The following SLC12A2 variants were observed in gnomAD, a reference collection of about 807,000 sequenced individuals.
The protein encoded by SLC12A2 is Na-K-2Cl cotransporter 1.
A neutral mutation model predicts 136.3 loss-of-function variants in SLC12A2; 67 were observed. That is an observed-to-expected ratio of 0.49 (90% confidence interval 0.40 to 0.60). The LOEUF (loss-of-function observed/expected upper bound fraction) is 0.60, where lower values mean the gene tolerates loss of function less well. Among genes scored for constraint, SLC12A2 ranks in the 20% least tolerant of loss-of-function variants. The pLI is 0.00. For missense variants in SLC12A2, 1,322 were observed against 1,534.7 expected (o/e 0.86, Z 2.32); for synonymous variants, 619 against 562.9 (o/e 1.10, Z -1.41).
chr5:128,135,180 C>G (rs1196180010), intron 6 of SLC12A2, among the ~76,000 whole-genome samples: 1 of 152,006 alleles, frequency 6.6e-6, no homozygotes, highest in African/African-American at 2.4e-5. Flanking sequence ...ATTGTTCTTT[C>G]CTTCCAATCC....
At chr5:128,147,793 A>T (rs1409577599) in intron 11 of SLC12A2, 64 bp downstream of exon 11, 4 of 971,678 alleles carry the variant, frequency 4.1e-6, no homozygotes. Flanking sequence ...CTCAATTTAG[A>T]ATTGTTGCTA....
intron 14 of SLC12A2, among the ~76,000 whole-genome samples, 160 bp downstream of exon 14, chr5:128,151,556 G>GT (rs11331893): frequency 2.3e-3 from 325 of 143,422 alleles, no homozygotes; most frequent in Non-Finnish European, 1.8e-3. Flanking sequence ...AACTCCTAAA[G>GT]TTTTTTTTTT....
intron 1 of SLC12A2, among the ~76,000 whole-genome samples, chr5:128,109,312 C>T (rs1196195206): frequency 6.6e-6 from 1 of 152,232 alleles, no homozygotes; most frequent in Non-Finnish European, 1.5e-5. Flanking sequence ...TGTGATTGTC[C>T]TGGGGCGGCG....
intron 15 of SLC12A2, among the ~76,000 whole-genome samples, chr5:128,153,339 G>C (rs1762765865): frequency 6.6e-6 from 1 of 152,218 alleles, no homozygotes; most frequent in East Asian, 1.9e-4. Context: ...GGGATCAGTT[G>C]AGGTCAGGAG....
At chr5:128,137,055 G>A (rs974857989) in intron 7 of SLC12A2, among the ~76,000 whole-genome samples, 1 of 152,086 alleles carries the variant, frequency 6.6e-6, no homozygotes, top group African/African-American at 2.4e-5. Context: ...AACCTCTGCA[G>A]CAACCTCCTA....
intron 1 of SLC12A2, among the ~76,000 whole-genome samples, chr5:128,111,728 G>A (rs906640586): frequency 1.3e-5 from 2 of 148,152 alleles, no homozygotes; most frequent in African/African-American, 5.0e-5. Flanking sequence ...TCGCGCCACT[G>A]CACTGCAGCC....
chr5:128,141,756 A>G, intron 9 of SLC12A2, 74 bp from the exon 10 acceptor site: 1 of 1,267,160 alleles, frequency 7.9e-7, no homozygotes, highest in Non-Finnish European at 1.1e-6. Flanking sequence ...CTTTATAAAT[A>G]TATATATGTA....
At chr5:128,148,925 G>A (rs781615132) in intron 12 of SLC12A2, 48 bp downstream of exon 12, 1 of 1,409,240 alleles carries the variant, frequency 7.1e-7, no homozygotes, top group African/African-American at 1.5e-5. Flanking sequence ...GTGCATATTA[G>A]TTCTAGACGT....
chr5:128,153,315 G>A (rs1029944173), intron 15 of SLC12A2, among the ~76,000 whole-genome samples: 1 of 152,218 alleles, frequency 6.6e-6, no homozygotes, highest in African/African-American at 2.4e-5. Context: ...AGCACTTTGG[G>A]ACGCCAAGGC....
rs115509088 is a variant in SLC12A2, at chr5:128,166,628, G to A, written c.2617-1133G>A. Reference sequence around the variant, plus strand: ...CTAGAATAGGCAGATTCATAGAGACGGAAGTACATATTACCAAGGGTTGGA... The same window carrying A: ...CTAGAATAGGCAGATTCATAGAGACAGAAGTACATATTACCAAGGGTTGGA... On this transcript the variant is annotated intron_variant, in intron 17 of 26. Coordinates refer to ENST00000262461, the MANE Select transcript of SLC12A2 (RefSeq NM_001046.3). 1.3e-3 allele frequency among the ~76,000 whole-genome samples: 195 copies of A among 152,106 alleles called. 1 individual carries two copies. The highest frequency in any genetic ancestry group is 4.4e-3 in the African/African-American group (182 of 41,526).
At chr5:128,123,509 T>C (rs1761666975) in intron 4 of SLC12A2, among the ~76,000 whole-genome samples, 1 of 152,176 alleles carries the variant, frequency 6.6e-6, no homozygotes, top group Admixed American at 6.5e-5. Context: ...ATGGTCCTTT[T>C]TATTTTTCAT....
chr5:128,185,585 C>T (rs933848603), intron 26 of SLC12A2, among the ~76,000 whole-genome samples: 4 of 152,060 alleles, frequency 2.6e-5, no homozygotes, highest in African/African-American at 9.7e-5. Context: ...GGAAAAGACA[C>T]CAAAACATAG....
chr5:128,169,375 T>C (rs1028200677), intron 18 of SLC12A2: 3 of 152,198 alleles, frequency 2.0e-5, no homozygotes, highest in African/African-American at 7.2e-5. Context: ...TATAACCACA[T>C]ATATTTGCCT....
At chr5:128,178,542 T>C in intron 21 of SLC12A2, 25 bp from the exon 22 acceptor site, 1 of 1,509,292 alleles carries the variant, frequency 6.6e-7, no homozygotes, top group Non-Finnish European at 8.9e-7. Context: ...TTTGCTTACA[T>C]TTTATATTTT....
At chr5:128,096,086 G>T (rs1760527828) in intron 1 of SLC12A2, among the ~76,000 whole-genome samples, 1 of 152,094 alleles carries the variant, frequency 6.6e-6, no homozygotes. Context: ...CAACAACCTT[G>T]CAAGCTAGGT....
chr5:128,156,516 G>A (rs1294955768), intron 15 of SLC12A2, among the ~76,000 whole-genome samples: 1 of 152,018 alleles, frequency 6.6e-6, no homozygotes, highest in Non-Finnish European at 1.5e-5. Flanking sequence ...ATATCTTTGT[G>A]GTTTATTGTT....
chr5:128,109,840 T>G, intron 1 of SLC12A2: 1 of 786,938 alleles, frequency 1.3e-6, no homozygotes, highest in Non-Finnish European at 2.3e-6. Context: ...AAGGTCAAGA[T>G]GTGGCCAAAT....
At position 128,084,743 on chromosome 5, in the gene SLC12A2, C is replaced by A. The variant is rs1414666338; in HGVS notation, c.756+33C>A. On this transcript the variant is annotated intron_variant, in intron 1 of 26. Coordinates refer to ENST00000262461, the MANE Select transcript of SLC12A2 (RefSeq NM_001046.3). The surrounding 1 kb of genome is among the most constrained non-coding windows in gnomAD (Gnocchi z 5.6). The stretch of plus-strand genomic sequence containing the variant: ...CGCCCAGCCCTCCCTTCTTCCCCAG[C>A]CCCTGGTGCATGCCGACCGCGGGAT... The A allele has an allele frequency of 9.9e-6, 15 of 1,517,702 alleles. No homozygotes were observed. Among genetic ancestry groups the A allele is most frequent in the African/African-American group, 1.4e-5 (1 of 72,588 alleles). The allele number at this position is 1,517,702 out of a possible 1,614,324, so 94.0% of individuals were successfully genotyped here.
chr5:128,134,117 A>G (rs372192104), intron 5 of SLC12A2, 48 bp from the exon 6 acceptor site: 1 of 985,524 alleles, frequency 1.0e-6, no homozygotes, highest in African/African-American at 1.6e-5. Flanking sequence ...GTGAATGTGT[A>G]TAAAAATAAC....
Sources: gnomAD v4.1 joint callset for allele counts (sites outside exome capture counted in the v4.1 genomes callset) on GRCh38, gnomAD v4.1.1 for gene constraint, Gnocchi (gnomAD v3.1) non-coding constraint, MANE v1.5 for transcripts, NCBI Gene and HGNC (gene_info 2026-07-23, HGNC 2026-07-21) for gene names.